The following GNA12 variants were observed in gnomAD, a reference collection of about 807,000 sequenced individuals.
The protein encoded by GNA12 is guanine nucleotide-binding protein subunit alpha-12.
Under a neutral mutation model 26.0 loss-of-function variants are expected in GNA12, and 9 were observed. The observed-to-expected ratio is 0.35, with a 90% CI of 0.21 to 0.60. The LOEUF is 0.60. Among genes scored for constraint, GNA12 ranks in the 20% least tolerant of loss-of-function variants. GNA12 has a pLI of 0.78. For missense variants in GNA12, 405 were observed against 525.8 expected (o/e 0.77, Z 2.25); for synonymous variants, 264 against 219.6 (o/e 1.20, Z -1.79).
At chr7:2,738,317 G>A (rs1159713490) in intron 2 of GNA12, among the ~76,000 whole-genome samples, 1 of 152,076 alleles carries the variant, frequency 6.6e-6, no homozygotes, top group African/African-American at 2.4e-5. Context: ...CAGATTCACT[G>A]GCAGAAATAC....
chr7:2,729,997 A>C lies in GNA12; in HGVS notation c.*1184T>G, dbSNP rs916271514. The C allele has an allele frequency of 6.6e-6, 1 of 152,358 alleles. No homozygotes were observed. The highest frequency in any genetic ancestry group is 1.5e-5 in the Non-Finnish European group (1 of 68,088). The allele number at this position is 152,358 out of a possible 1,614,324, so 9.4% of individuals were successfully genotyped here. The stretch of plus-strand genomic sequence containing the variant: ...ACTCTTCTGCAAGCACAGTCATAGA[A>C]GCGAGGGGCCTCGATGAGAATCAGA... On this transcript the variant is annotated 3_prime_UTR_variant, in exon 4 of 4. Transcript: ENST00000275364.
At chr7:2,818,357 G>A (rs1480210467) in intron 1 of GNA12, among the ~76,000 whole-genome samples, 5 of 152,314 alleles carry the variant, frequency 3.3e-5, no homozygotes, top group East Asian at 1.9e-4. Flanking sequence ...AACCAAACAC[G>A]CCTGCAGACG....
chr7:2,822,397 T>C (rs987495700), intron 1 of GNA12, among the ~76,000 whole-genome samples: 9 of 152,314 alleles, frequency 5.9e-5, no homozygotes, highest in African/African-American at 2.2e-4. Context: ...GGCACACTCT[T>C]AACCTCCCCA....
At chr7:2,791,272 A>G (rs1037617711) in intron 2 of GNA12, among the ~76,000 whole-genome samples, 1 of 152,226 alleles carries the variant, frequency 6.6e-6, no homozygotes, top group Admixed American at 6.5e-5. Flanking sequence ...CTTCCTTTTA[A>G]CTGAGCCACA....
chr7:2,824,768 A>G (rs1793445918), intron 1 of GNA12, among the ~76,000 whole-genome samples: 1 of 152,230 alleles, frequency 6.6e-6, no homozygotes, highest in African/African-American at 2.4e-5. Flanking sequence ...TTAACAATGC[A>G]AATCAAACCG....
chr7:2,841,390 T>TA (rs1171389996), intron 1 of GNA12, among the ~76,000 whole-genome samples: 5 of 152,200 alleles, frequency 3.3e-5, no homozygotes, highest in African/African-American at 1.2e-4. Context: ...GCTATACTTT[T>TA]ATGCCTGCCT....
At chr7:2,781,376 T>G (rs764149061) in intron 2 of GNA12, among the ~76,000 whole-genome samples, 5 of 151,554 alleles carry the variant, frequency 3.3e-5, no homozygotes, top group Admixed American at 1.3e-4. Context: ...GTTTTGCCTT[T>G]CAAATTTGGT....
intron 2 of GNA12, among the ~76,000 whole-genome samples, chr7:2,746,199 C>T (rs1790755603): frequency 6.6e-6 from 1 of 152,186 alleles, no homozygotes; most frequent in Admixed American, 6.5e-5. Context: ...CTCTCCACCC[C>T]AAATCAACAG....
Position 2,810,550 on chromosome 7 carries a change from A to AT in GNA12, c.310-15408dup, listed in dbSNP as rs35567574. On this transcript the variant is annotated intron_variant, in intron 1 of 3. Coordinates refer to ENST00000275364, the MANE Select transcript of GNA12 (RefSeq NM_007353.3). ...ACTTACTCCTTGGGTTTTGTCAATA[A>AT]TTTTTTTTTTACAGTTGGATTCCAA... is the stretch of plus-strand genomic sequence containing the variant. Among the ~76,000 whole-genome samples the AT allele has an allele frequency of 7.5e-3, 1,126 of 150,532 alleles. 8 individuals are homozygous for AT. The highest frequency in any genetic ancestry group is 9.0e-3 in the Non-Finnish European group (605 of 67,480).
intron 2 of GNA12, among the ~76,000 whole-genome samples, chr7:2,788,041 G>T (rs1209087910): frequency 6.6e-6 from 1 of 152,124 alleles, no homozygotes; most frequent in African/African-American, 2.4e-5. Context: ...TGTAATCCCA[G>T]CTGCTCGTGG....
chr7:2,802,299 A>G (rs1171299784), intron 1 of GNA12, among the ~76,000 whole-genome samples: 6 of 150,196 alleles, frequency 4.0e-5, no homozygotes, highest in African/African-American at 1.5e-4. Flanking sequence ...CAAACTGTTC[A>G]GACAGCATAT....
chr7:2,765,436 G>T (rs1449920268), intron 2 of GNA12, among the ~76,000 whole-genome samples: 1 of 152,072 alleles, frequency 6.6e-6, no homozygotes, highest in Non-Finnish European at 1.5e-5. Context: ...TGGGATTACA[G>T]GCCTGAGCCA....
At chr7:2,795,756 G>A (rs1243651349) in intron 1 of GNA12, among the ~76,000 whole-genome samples, 1 of 151,828 alleles carries the variant, frequency 6.6e-6, no homozygotes, top group African/African-American at 2.4e-5. Flanking sequence ...GGGCGGGGAG[G>A]AGGTGGCAAC....
chr7:2,757,229 G>A (rs548598241), intron 2 of GNA12, among the ~76,000 whole-genome samples: 61 of 141,898 alleles, frequency 4.3e-4, no homozygotes, highest in African/African-American at 1.5e-3. Context: ...TCTGCCTCCC[G>A]GGTTCACGCC....
intron 2 of GNA12, among the ~76,000 whole-genome samples, chr7:2,780,644 AAC>A (rs1413736877): frequency 1.4e-4 from 21 of 152,174 alleles, no homozygotes; most frequent in Admixed American, 3.9e-4. Context: ...TATGAATGTA[AAC>A]ACACTATATG....
At chr7:2,790,096 T>C (rs1016152646) in intron 2 of GNA12, among the ~76,000 whole-genome samples, 1 of 152,200 alleles carries the variant, frequency 6.6e-6, no homozygotes, top group Non-Finnish European at 1.5e-5. Context: ...AGTCCCTGCC[T>C]GTGTCTGCTC....
chr7:2,764,018 C>A (rs1791697203), intron 2 of GNA12, among the ~76,000 whole-genome samples: 1 of 152,162 alleles, frequency 6.6e-6, no homozygotes, highest in Admixed American at 6.5e-5. Flanking sequence ...CCTATACTTT[C>A]TAGAAGTCTT....
chr7:2,819,106 GAA>G (rs1185079216), intron 1 of GNA12, among the ~76,000 whole-genome samples: 2 of 152,122 alleles, frequency 1.3e-5, no homozygotes, highest in Non-Finnish European at 1.5e-5. Context: ...GTGGAAGGTG[GAA>G]AAGTCTGGCA....
chr7:2,770,650 C>CAACAAAACAA lies in GNA12; in HGVS notation c.525+24268_525+24277dup, dbSNP rs56863310. On this transcript the variant is annotated intron_variant, in intron 2 of 3. Transcript: ENST00000275364. ...GACTCCATCTCAACAACAATAACAA[C>CAACAAAACAA]AACAAAACAAAACAAAACAACACAC... Among the ~76,000 whole-genome samples, 262 of 136,162 alleles carry CAACAAAACAA rather than the reference C, an allele frequency of 1.9e-3. 1 individual carries two copies. Among genetic ancestry groups the CAACAAAACAA allele is most frequent in the Middle Eastern group, 0.013 (3 of 238 alleles). The allele number at this position is 136,162 out of a possible 152,430, so 89.3% of individuals were successfully genotyped here.
Sources: gnomAD v4.1 joint callset for allele counts (sites outside exome capture counted in the v4.1 genomes callset) on GRCh38, gnomAD v4.1.1 for gene constraint, MANE v1.5 for transcripts, NCBI Gene and HGNC (gene_info 2026-07-23, HGNC 2026-07-21) for gene names.